PHACTR1: variants seen among roughly 807,000 people sequenced by gnomAD.
PHACTR1 encodes the protein phosphatase and actin regulator 1, also known as RPEL repeat containing 1.
In PHACTR1, 16 loss-of-function variants were observed where a neutral mutation model predicts 69.2. The observed-to-expected ratio is 0.23, with a 90% confidence interval of 0.16 to 0.35. The LOEUF is 0.35. Ranked by LOEUF, PHACTR1 falls within the 10% of genes least tolerant of loss-of-function variation. PHACTR1 has a pLI of 1.00. For synonymous variants in PHACTR1, 312 were observed against 284.5 expected, an observed-to-expected ratio of 1.10 and a Z score of -0.97; for missense variants, 510 against 734.7, an observed-to-expected ratio of 0.69 and a Z score of 3.54.
chr6:13,193,369 A>AT (rs1391940177), intron 7 of PHACTR1, among the ~76,000 whole-genome samples: 4 of 105,168 alleles, frequency 3.8e-5, no homozygotes, highest in African/African-American at 1.4e-4. Flanking sequence ...ATATATATAT[A>AT]TATATATATA....
intron 5 of PHACTR1, among the ~76,000 whole-genome samples, chr6:13,101,989 G>A (rs1019228019): frequency 5.9e-5 from 9 of 152,188 alleles, no homozygotes; most frequent in Non-Finnish European, 1.3e-4. Flanking sequence ...TTTCAAAGAG[G>A]TCTTGCTGAA....
chr6:12,884,693 G>A (rs990203260), intron 4 of PHACTR1, among the ~76,000 whole-genome samples: 11 of 152,134 alleles, frequency 7.2e-5, no homozygotes, highest in East Asian at 1.9e-4. Context: ...AAGCCACCGC[G>A]CCCGGCCTTT....
chr6:12,945,029 G>A (rs892645482), intron 4 of PHACTR1, among the ~76,000 whole-genome samples: 1 of 152,016 alleles, frequency 6.6e-6, no homozygotes, highest in African/African-American at 2.4e-5. Flanking sequence ...TGATCCGCCC[G>A]TCTCGGCCTC....
intron 4 of PHACTR1, among the ~76,000 whole-genome samples, chr6:12,801,645 G>A (rs761886752): frequency 1.3e-5 from 2 of 152,108 alleles, no homozygotes; most frequent in African/African-American, 4.8e-5. Flanking sequence ...TAGAATCTTG[G>A]GATTTTAAAG....
At position 12,764,828 on chromosome 6, in the gene PHACTR1, T is replaced by C. The variant is rs1376972896; in HGVS notation, c.250+15038T>C. Among the ~76,000 whole-genome samples, 3 of 152,052 alleles carry C rather than the reference T, an allele frequency of 2.0e-5. No individual in the cohort carries two copies. In the South Asian group the frequency reaches 6.2e-4, roughly 32 times the overall value. On this transcript the variant is annotated intron_variant, in intron 4 of 14. Coordinates refer to ENST00000332995, the MANE Select transcript of PHACTR1 (RefSeq NM_030948.6). ...GGAGAAAATGTCTAGAGGTCATGGATACATATGGGAGCTGCTCTGGTCAGG... is the reference window on the plus strand; with the variant it reads ...GGAGAAAATGTCTAGAGGTCATGGACACATATGGGAGCTGCTCTGGTCAGG...
chr6:13,015,594 A>G (rs1156557548), intron 4 of PHACTR1, among the ~76,000 whole-genome samples: 1 of 152,256 alleles, frequency 6.6e-6, no homozygotes, highest in Non-Finnish European at 1.5e-5. Context: ...ATTGCTGCCC[A>G]GATGGGCTGC....
In PHACTR1 at chr6:13,187,534, A is replaced by C. The variant is rs372959500; in HGVS notation, c.664+4848A>C. On this transcript the variant is annotated intron_variant, in intron 7 of 14. Coordinates refer to ENST00000332995, the MANE Select transcript of PHACTR1 (RefSeq NM_030948.6). ...ACTAGAAAAAGGCATAAAAAGATTTAGATTTTAATCCCTAGGCAGTGAAAA... is the reference window on the plus strand; with the variant it reads ...ACTAGAAAAAGGCATAAAAAGATTTCGATTTTAATCCCTAGGCAGTGAAAA... 1.7e-4 allele frequency among the ~76,000 whole-genome samples: 26 copies of C among 152,368 alleles called. No homozygotes were observed. The East Asian group carries it at 4.4e-3, about 26-fold the overall frequency.
At chr6:13,025,495 G>A (rs1801550232) in intron 4 of PHACTR1, among the ~76,000 whole-genome samples, 1 of 152,154 alleles carries the variant, frequency 6.6e-6, no homozygotes, top group African/African-American at 2.4e-5. Context: ...GTTGTTCCCT[G>A]CTGTCCTCCA....
At chr6:12,831,706 A>G (rs1167632777) in intron 4 of PHACTR1, among the ~76,000 whole-genome samples, 1 of 152,176 alleles carries the variant, frequency 6.6e-6, no homozygotes, top group Admixed American at 6.6e-5. Context: ...AGAACCACCT[A>G]TGTTAATGCT....
intron 5 of PHACTR1, among the ~76,000 whole-genome samples, chr6:13,153,329 A>G (rs957071852): frequency 6.6e-6 from 1 of 152,180 alleles, no homozygotes; most frequent in African/African-American, 2.4e-5. Context: ...GGACATGCCA[A>G]CCTTTAAATA....
At chr6:12,986,304 A>T (rs1414833300) in intron 4 of PHACTR1, among the ~76,000 whole-genome samples, 4 of 152,208 alleles carry the variant, frequency 2.6e-5, no homozygotes, top group Non-Finnish European at 5.9e-5. Flanking sequence ...AGGACCTTGC[A>T]CCGGTGACAC....
intron 4 of PHACTR1, among the ~76,000 whole-genome samples, chr6:12,796,248 A>G (rs1421972268): frequency 6.6e-6 from 1 of 152,236 alleles, no homozygotes; most frequent in African/African-American, 2.4e-5. Flanking sequence ...TATAGCAATT[A>G]TGTATAATGC....
chr6:13,257,076 T>A (rs528028665), intron 10 of PHACTR1, among the ~76,000 whole-genome samples: 2 of 152,350 alleles, frequency 1.3e-5, no homozygotes, highest in East Asian at 3.9e-4. Context: ...TTCTGCAGGC[T>A]GTACAAGAAA....
intron 4 of PHACTR1, among the ~76,000 whole-genome samples, chr6:12,822,147 G>T (rs1581919411): frequency 6.6e-6 from 1 of 152,208 alleles, no homozygotes; most frequent in Non-Finnish European, 1.5e-5. Context: ...CAAGAACCTG[G>T]CTGTGGCAGC....
chr6:13,018,776 T>C lies in PHACTR1; in HGVS notation c.251-34589T>C, dbSNP rs9463366. 7.4e-3 allele frequency among the ~76,000 whole-genome samples: 1,127 copies of C among 152,236 alleles called. 12 individuals carry two copies. Among genetic ancestry groups the C allele is most frequent in the African/African-American group, 0.026 (1,069 of 41,506 alleles). On this transcript the variant is annotated intron_variant, in intron 4 of 14. Transcript: ENST00000332995. ...TTTCAGTTTCAGAAGCAGTTCAGATTGCATCCACTTCCAAAGGAATTCAGA... is the reference window on the plus strand; with the variant it reads ...TTTCAGTTTCAGAAGCAGTTCAGATCGCATCCACTTCCAAAGGAATTCAGA...
chr6:12,969,241 C>T lies in PHACTR1; in HGVS notation c.251-84124C>T, dbSNP rs1159779936. On this transcript the variant is annotated intron_variant, in intron 4 of 14. Transcript: ENST00000332995. ...GAGCTAATATTTTTAGTCTGCCTCTCTTAAAATCAGATATCTTATCTGAGT... is the reference window on the plus strand; with the variant it reads ...GAGCTAATATTTTTAGTCTGCCTCTTTTAAAATCAGATATCTTATCTGAGT... 3.3e-5 allele frequency among the ~76,000 whole-genome samples: 5 copies of T among 152,210 alleles called. 1 individual carries two copies. In the East Asian group the frequency reaches 9.6e-4, roughly 29 times the overall value.
At chr6:13,009,515 G>A (rs1018836803) in intron 4 of PHACTR1, among the ~76,000 whole-genome samples, 16 of 152,088 alleles carry the variant, frequency 1.1e-4, no homozygotes, top group South Asian at 2.1e-4. Flanking sequence ...ATCTTTCTCC[G>A]TAAGAGTTAA....
chr6:13,229,913 C>T lies in PHACTR1; in HGVS notation c.1235-124C>T, dbSNP rs556849412. 1.3e-5 allele frequency: 15 copies of T among 1,149,610 alleles called. No homozygotes were observed. In the East Asian group the frequency reaches 3.4e-4, roughly 26 times the overall value. The allele number at this position is 1,149,610 out of a possible 1,614,324, so 71.2% of individuals were successfully genotyped here. On this transcript the variant is annotated intron_variant, in intron 9 of 14. Coordinates refer to ENST00000332995, the MANE Select transcript of PHACTR1 (RefSeq NM_030948.6). ...GGAACTCTAGGAACTGAGGCATTAA[C>T]CACTTTCAGGTGTTAAAACCTTGAT... is the stretch of plus-strand genomic sequence containing the variant.
At chr6:12,877,889 G>T (rs949875320) in intron 4 of PHACTR1, among the ~76,000 whole-genome samples, 43 of 152,262 alleles carry the variant, frequency 2.8e-4, no homozygotes, top group Admixed American at 7.2e-4. Context: ...TCCCTCCTGG[G>T]CTTCTTGACT....
Sources: gnomAD v4.1 joint callset for allele counts (sites outside exome capture counted in the v4.1 genomes callset) on GRCh38, gnomAD v4.1.1 for gene constraint, MANE v1.5 for transcripts, NCBI Gene and HGNC (gene_info 2026-07-23, HGNC 2026-07-21) for gene names.